VPS54: variants seen among roughly 807,000 people sequenced by gnomAD.
The protein encoded by VPS54 is VPS54 subunit of GARP complex.
VPS54 carries 45 observed loss-of-function variants against 121.5 expected under a neutral mutation model. The ratio of observed to expected loss-of-function variants is 0.37; its 90% CI spans 0.29 to 0.47. The LOEUF (loss-of-function observed/expected upper bound fraction) is 0.47. Among genes scored for constraint, VPS54 ranks in the 20% least tolerant of loss-of-function variants. The pLI is 0.99. For missense variants in VPS54, 1,090 were observed against 1,131.4 expected (o/e 0.96, Z 0.52); for synonymous variants, 371 against 385.8 (o/e 0.96, Z 0.45).
At chr2:64,002,351 T>C (rs957865451) in intron 1 of VPS54, among the ~76,000 whole-genome samples, 2 of 152,218 alleles carry the variant, frequency 1.3e-5, no homozygotes, top group African/African-American at 4.8e-5. Context: ...GCTTTTGGTG[T>C]GTAGTTGTTA....
chr2:63,975,400 A>G (rs781769749), intron 3 of VPS54: 6 of 172,436 alleles, frequency 3.5e-5, no homozygotes, highest in Non-Finnish European at 7.4e-5. Context: ...TGTTGGACTA[A>G]CAAATTAGCC....
chr2:64,017,312 G>C (rs1280863251), intron 1 of VPS54, among the ~76,000 whole-genome samples: 1 of 150,296 alleles, frequency 6.7e-6, no homozygotes, highest in Non-Finnish European at 1.5e-5. Flanking sequence ...ACTCCAGCCT[G>C]GGCAACAGAG....
intron 21 of VPS54, among the ~76,000 whole-genome samples, chr2:63,898,253 C>T (rs559142263): frequency 1.3e-5 from 2 of 152,136 alleles, no homozygotes; most frequent in Non-Finnish European, 2.9e-5. Context: ...TGGGTAAGTC[C>T]TGCTCTAGAA....
chr2:63,938,059 G>GTGTGTGTGTGTGT lies in VPS54; in HGVS notation c.1399-4047_1399-4046insACACACACACACA, dbSNP rs9309357. Among the ~76,000 whole-genome samples, 10 of 140,476 alleles carry GTGTGTGTGTGTGT rather than the reference G, an allele frequency of 7.1e-5. No individual in the cohort carries two copies. The South Asian group carries it at 1.1e-3, about 16-fold the overall frequency. 92.2% of individuals were successfully genotyped at this position (140,476 alleles called of 152,430 possible). ...AAACGTGTGTGTGTGTGGTGTGTGT[G>GTGTGTGTGTGTGT]GTGTGTGTGTGTGTGTGTGTGTGTG... is the stretch of plus-strand genomic sequence containing the variant. On this transcript the variant is annotated intron_variant, in intron 11 of 22. Transcript: ENST00000272322.
At chr2:63,965,151 G>T (rs1335941780) in intron 6 of VPS54, among the ~76,000 whole-genome samples, 1 of 152,114 alleles carries the variant, frequency 6.6e-6, no homozygotes, top group Non-Finnish European at 1.5e-5. Context: ...GAAAATATTG[G>T]TTTTCTGTGC....
chr2:63,927,584 A>G (rs537564177), intron 12 of VPS54, among the ~76,000 whole-genome samples: 6 of 152,214 alleles, frequency 3.9e-5, no homozygotes, highest in Non-Finnish European at 5.9e-5. Context: ...GAAGACTCCA[A>G]AAGCCAGAAT....
intron 1 of VPS54, among the ~76,000 whole-genome samples, chr2:63,991,910 G>C (rs189858456): frequency 3.3e-5 from 5 of 152,154 alleles, no homozygotes; most frequent in African/African-American, 1.2e-4. Flanking sequence ...GGGTTGGGGC[G>C]GTCGATCTCT....
At chr2:63,947,231 G>T (rs1241272580) in intron 9 of VPS54, 152 bp downstream of exon 9, 7 of 659,190 alleles carry the variant, frequency 1.1e-5, no homozygotes, top group Non-Finnish European at 1.3e-5. Flanking sequence ...GGCTGGTAAG[G>T]CTATGTTTTA....
At chr2:63,998,028 T>C (rs1159540416) in intron 1 of VPS54, among the ~76,000 whole-genome samples, 3 of 152,192 alleles carry the variant, frequency 2.0e-5, no homozygotes, top group East Asian at 1.9e-4. Context: ...TTTTATTCCA[T>C]TGTGGTCAGA....
rs1204111823 is a variant in VPS54 at position 63,919,949 on chromosome 2, C to G, written c.2098G>C (p.Glu700Gln). The change falls in exon 15 of 23, where the codon GAA becomes CAA. Residue 700 changes from glutamate (E) to glutamine (Q), a missense_variant. By Grantham distance (29) the Glu-to-Gln change is conservative. Coordinates refer to ENST00000272322, the MANE Select transcript of VPS54 (RefSeq NM_016516.3). ...AGAGAATCAACAAGATCCTGAAATT[C>G]TGCAGGAACATCTGCTTGCTTCCAG... ...ERWKQADVPA[E>Q]FQDLVDSLSD... 6.2e-7 allele frequency: 1 copy of G among 1,612,248 alleles called. No individual in the cohort carries two copies. The highest frequency in any genetic ancestry group is 8.5e-7 in the Non-Finnish European group (1 of 1,178,900).
chr2:64,006,798 T>C (rs1310215726), intron 1 of VPS54, among the ~76,000 whole-genome samples: 1 of 152,156 alleles, frequency 6.6e-6, no homozygotes, highest in Non-Finnish European at 1.5e-5. Flanking sequence ...TCTGTAATTT[T>C]AGTAGAGACA....
chr2:63,900,255 G>A (rs990369047), intron 20 of VPS54, among the ~76,000 whole-genome samples: 2 of 146,012 alleles, frequency 1.4e-5, no homozygotes, highest in Non-Finnish European at 3.0e-5. Context: ...GAATGTGTCA[G>A]TATGATCGTA....
chr2:63,920,961 A>G (rs1452966346), intron 13 of VPS54, among the ~76,000 whole-genome samples: 1 of 152,076 alleles, frequency 6.6e-6, no homozygotes, highest in East Asian at 1.9e-4. Flanking sequence ...CAAATTAGTT[A>G]TTAACATATA....
intron 1 of VPS54, among the ~76,000 whole-genome samples, chr2:64,015,242 C>T (rs1312406837): frequency 2.6e-5 from 4 of 152,108 alleles, no homozygotes; most frequent in Admixed American, 2.6e-4. Flanking sequence ...TAAATTAAGT[C>T]TGTTTTTAGA....
At chr2:63,967,043 A>G (rs972060881) in intron 5 of VPS54, among the ~76,000 whole-genome samples, 2 of 152,216 alleles carry the variant, frequency 1.3e-5, no homozygotes, top group African/African-American at 2.4e-5. Context: ...GAAATTATTT[A>G]TTTAGTATGC....
At position 63,972,322 on chromosome 2, in the gene VPS54, A is replaced by G. The variant is rs940547070; in HGVS notation, c.379-78T>C. Reference sequence around the variant, plus strand: ...AAGCATGAAAGTGTTTTGCAACAGAATATCAGAATATGCCAAATTAGTCCT... The same window carrying G: ...AAGCATGAAAGTGTTTTGCAACAGAGTATCAGAATATGCCAAATTAGTCCT... On this transcript the variant is annotated intron_variant, in intron 3 of 22. Transcript: ENST00000272322. 4.7e-6 allele frequency: 5 copies of G among 1,057,520 alleles called. No individual in the cohort carries two copies. In the East Asian group the frequency reaches 7.5e-5, roughly 16 times the overall value. 65.5% of individuals were successfully genotyped at this position (1,057,520 alleles called of 1,614,324 possible).
intron 12 of VPS54, 28 bp downstream of exon 12, chr2:63,933,645 T>TCA (rs760497063): frequency 6.3e-7 from 1 of 1,580,978 alleles, no homozygotes; most frequent in Non-Finnish European, 8.6e-7. Flanking sequence ...CAAAATCTTG[T>TCA]CAATTTGGCA....
chr2:64,004,208 G>A (rs1559053461), intron 1 of VPS54, among the ~76,000 whole-genome samples: 1 of 152,102 alleles, frequency 6.6e-6, no homozygotes, highest in Non-Finnish European at 1.5e-5. Flanking sequence ...AGGAAAGGGG[G>A]TGGGGAAAGA....
intron 22 of VPS54, among the ~76,000 whole-genome samples, chr2:63,896,269 G>C (rs1344936474): frequency 6.6e-6 from 1 of 152,122 alleles, no homozygotes. Context: ...CTTGTTTTTA[G>C]AGACACATGC....
Sources: gnomAD v4.1 joint callset for allele counts (sites outside exome capture counted in the v4.1 genomes callset) on GRCh38, gnomAD v4.1.1 for gene constraint, MANE v1.5 for transcripts, NCBI Gene and HGNC (gene_info 2026-07-23, HGNC 2026-07-21) for gene names.